TAMM41: variants seen among roughly 807,000 people sequenced by gnomAD.
TAMM41 encodes phosphatidate cytidylyltransferase, mitochondrial.
In TAMM41, 36 loss-of-function variants were observed where a neutral mutation model predicts 44.1. That is an observed-to-expected ratio of 0.82 (90% CI 0.63 to 1.08). The LOEUF (loss-of-function observed/expected upper bound fraction) is 1.08. TAMM41 is among the 50% of genes least tolerant of loss of function. The probability of loss-of-function intolerance (pLI) is 0.00; values close to 1 mark genes in which losing one functional copy is unlikely to be tolerated. For synonymous variants in TAMM41, 164 were observed against 153.1 expected, an observed-to-expected ratio of 1.07 and a Z score of -0.53; for missense variants, 417 against 404.3, an observed-to-expected ratio of 1.03 and a Z score of -0.27.
chr3:11,785,831 C>T (rs1024167842), downstream of TAMM41, among the ~76,000 whole-genome samples: 9 of 151,692 alleles, frequency 5.9e-5, no homozygotes, highest in Admixed American at 2.0e-4. Flanking sequence ...GTTGTCCAGG[C>T]GGGCCTCAAA....
chr3:11,844,330 G>A, intron 1 of TAMM41, 119 bp from the exon 2 acceptor site: 1 of 934,192 alleles, frequency 1.1e-6, no homozygotes. Flanking sequence ...GCCTGGTGCT[G>A]TCATCAGAAA....
chr3:11,732,470 G>A, the TAMM41 span, among the ~76,000 whole-genome samples: 1 of 152,190 alleles, frequency 6.6e-6, no homozygotes, highest in Non-Finnish European at 1.5e-5. Flanking sequence ...GGAGGTGTTG[G>A]GGAAGAGGTG....
Position 11,843,998 on chromosome 3 carries a change from C to T in TAMM41, c.318+31G>A, listed in dbSNP as rs768602908. ...CTAATAACCCAGGTAAATAACCAGC[C>T]AAGTTAAGACAAAGGCCAGCAGTCA... On this transcript the variant is annotated intron_variant, in intron 2 of 7. Coordinates refer to ENST00000455809, the MANE Select transcript of TAMM41 (RefSeq NM_001284401.2). The T allele has an allele frequency of 6.9e-6, 11 of 1,602,436 alleles. No homozygotes were observed. The Admixed American group carries it at 1.9e-4, about 27-fold the overall frequency.
At chr3:11,762,954 C>A in the TAMM41 span, among the ~76,000 whole-genome samples, 1 of 152,280 alleles carries the variant, frequency 6.6e-6, no homozygotes. Context: ...AGGGGAATCA[C>A]TTGAACCCAG....
the TAMM41 span, among the ~76,000 whole-genome samples, chr3:11,725,454 C>CCTCTTCCTCCTT: frequency 7.3e-6 from 1 of 137,722 alleles, no homozygotes; most frequent in African/African-American, 2.8e-5. Flanking sequence ...TCCTCCTCCT[C>CCTCTTCCTCCTT]CTTCTTCTTC....
chr3:11,786,984 GGGCTCTCTTGTTCTGTCATAGTCACAGT>G (rs2077421489), downstream of TAMM41, among the ~76,000 whole-genome samples: 1 of 152,190 alleles, frequency 6.6e-6, no homozygotes, highest in African/African-American at 2.4e-5. Flanking sequence ...GGTCCTGCTT[GGGCTCTCTTGTTCTGTCATAGTCACAGT>G]GGCTGGGGCT....
At chr3:11,826,930 C>T (rs1015112952) in intron 4 of TAMM41, 27 of 152,196 alleles carry the variant, frequency 1.8e-4, no homozygotes, top group African/African-American at 6.0e-4. Flanking sequence ...TTTTCCCTGC[C>T]ATTAAGCCAC....
intron 4 of TAMM41, among the ~76,000 whole-genome samples, chr3:11,822,426 C>T (rs1220856430): frequency 6.6e-6 from 1 of 152,216 alleles, no homozygotes; most frequent in Admixed American, 6.5e-5. Context: ...AGCCTCCCTA[C>T]AAGAAACCCC....
chr3:11,836,860 G>A (rs2079201003), intron 3 of TAMM41, among the ~76,000 whole-genome samples: 1 of 152,248 alleles, frequency 6.6e-6, no homozygotes, highest in African/African-American at 2.4e-5. Flanking sequence ...GCTCAGTTAT[G>A]AGCTTTACTA....
chr3:11,730,779 C>A, the TAMM41 span, among the ~76,000 whole-genome samples: 2 of 152,058 alleles, frequency 1.3e-5, no homozygotes, highest in Admixed American at 6.6e-5. Flanking sequence ...AAAATTGTAT[C>A]TACCTTCTTA....
the TAMM41 span, among the ~76,000 whole-genome samples, chr3:11,734,954 C>G: frequency 6.7e-6 from 1 of 148,780 alleles, no homozygotes; most frequent in East Asian, 2.0e-4. Flanking sequence ...GGGGCTGAGG[C>G]AGGAGAATTG....
chr3:11,798,337 G>A (rs935915630), intron 7 of TAMM41, among the ~76,000 whole-genome samples: 1 of 152,130 alleles, frequency 6.6e-6, no homozygotes, highest in Non-Finnish European at 1.5e-5. Flanking sequence ...AAGAGACCAT[G>A]TCCTTTGCAG....
chr3:11,777,067 C>T, the TAMM41 span, among the ~76,000 whole-genome samples: 35 of 152,158 alleles, frequency 2.3e-4, no homozygotes, highest in African/African-American at 7.5e-4. Context: ...ATGGTGACTA[C>T]ATTTAAAAAT....
the TAMM41 span, among the ~76,000 whole-genome samples, chr3:11,732,566 G>A: frequency 5.3e-5 from 8 of 152,296 alleles, no homozygotes; most frequent in African/African-American, 1.4e-4. Context: ...AAAAAAGACC[G>A]TTTAAAATAA....
At chr3:11,841,241 CCTGA>C (rs1435421870) in intron 2 of TAMM41, among the ~76,000 whole-genome samples, 1 of 151,916 alleles carries the variant, frequency 6.6e-6, no homozygotes, top group Non-Finnish European at 1.5e-5. Flanking sequence ...CACCATCACA[CCTGA>C]CTAATTTTTG....
At chr3:11,781,791 A>G in the TAMM41 span, among the ~76,000 whole-genome samples, 50,732 of 149,556 alleles carry the variant, frequency 0.34, 9,376 homozygotes, top group Admixed American at 0.45. Flanking sequence ...TCATACAAAT[A>G]AGAGACCCAG....
At chr3:11,779,086 T>C in the TAMM41 span, among the ~76,000 whole-genome samples, 1 of 151,776 alleles carries the variant, frequency 6.6e-6, no homozygotes, top group Admixed American at 6.6e-5. Flanking sequence ...CAGTGGTGAG[T>C]TCTCACTCTG....
chr3:11,724,003 G>A, the TAMM41 span, among the ~76,000 whole-genome samples: 1 of 148,644 alleles, frequency 6.7e-6, no homozygotes, highest in Non-Finnish European at 1.5e-5. Flanking sequence ...GTGGGGGATG[G>A]GGGGGGGTGA....
the TAMM41 span, among the ~76,000 whole-genome samples, chr3:11,764,637 T>C: frequency 2.0e-5 from 3 of 151,490 alleles, no homozygotes; most frequent in African/African-American, 7.3e-5. Flanking sequence ...GGACTACAGG[T>C]GCCCGCCACC....
Sources: gnomAD v4.1 joint callset for allele counts (sites outside exome capture counted in the v4.1 genomes callset) on GRCh38, gnomAD v4.1.1 for gene constraint, MANE v1.5 for transcripts, NCBI Gene and HGNC (gene_info 2026-07-23, HGNC 2026-07-21) for gene names.